Variants in NAT1 observed in about 807,000 individuals in gnomAD.
The protein encoded by NAT1 is arylamine N-acetyltransferase 1.
For synonymous variants in NAT1, 144 were observed against 122.6 expected (o/e 1.17, Z -1.16); for missense variants, 400 against 339.2 (o/e 1.18, Z -1.41).
intron 2 of NAT1, among the ~76,000 whole-genome samples, chr8:18,181,760 A>T (rs924287955): frequency 6.6e-6 from 1 of 152,080 alleles, no homozygotes; most frequent in African/African-American, 2.4e-5. Context: ...TTCCATATCC[A>T]GTTTGTTGAG....
intron 2 of NAT1, among the ~76,000 whole-genome samples, chr8:18,220,866 G>A (rs1488769265): frequency 6.6e-6 from 1 of 152,120 alleles, no homozygotes; most frequent in African/African-American, 2.4e-5. Context: ...TTATCCATGA[G>A]CCAAGCACTG....
At chr8:18,197,530 C>T (rs933204100) in intron 2 of NAT1, among the ~76,000 whole-genome samples, 1 of 152,160 alleles carries the variant, frequency 6.6e-6, no homozygotes, top group African/African-American at 2.4e-5. Flanking sequence ...ACAATGCACA[C>T]GACAGCCCGT....
intron 2 of NAT1, chr8:18,170,784 G>T (rs951564370): frequency 2.6e-5 from 4 of 152,088 alleles, no homozygotes; most frequent in African/African-American, 9.7e-5. Context: ...TCTCTTTTCT[G>T]GGCCTGAATT....
In NAT1 at chr8:18,196,118, AT is replaced by A. The variant is rs796356411; in HGVS notation, n.93-13652del. 5.4e-4 allele frequency among the ~76,000 whole-genome samples: 79 copies of A among 146,822 alleles called. No individual in the cohort carries two copies. The East Asian group carries it at 0.011, about 20-fold the overall frequency. On this transcript the variant is annotated intron_variant and non_coding_transcript_variant, in intron 2 of 4. Transcript: ENST00000517441. ...AAACATTACACTTTATACAACTTTTATTTTTTTTTTTAATAGAGACAAGGTC... is the reference window on the plus strand; with the variant it reads ...AAACATTACACTTTATACAACTTTTATTTTTTTTTTAATAGAGACAAGGTC...
In NAT1 at chr8:18,216,153, T is replaced by C. The variant is rs538205199; in HGVS notation, c.-85-3258T>C. ...ATAACATACCTGGTGGCTCAGATGC[T>C]ACTCTTTTAGCTGTGGTTTCAGCCA... On this transcript the variant is annotated intron_variant, in intron 1 of 2. Transcript: ENST00000307719. Among the ~76,000 whole-genome samples the C allele has an allele frequency of 3.3e-5, 5 of 152,312 alleles. No homozygotes were observed. In the East Asian group the frequency reaches 9.6e-4, roughly 29 times the overall value.
At chr8:18,176,274 A>C (rs1168444696) in intron 2 of NAT1, among the ~76,000 whole-genome samples, 2 of 152,056 alleles carry the variant, frequency 1.3e-5, no homozygotes. Flanking sequence ...TGTCCAAGAA[A>C]TCTTGCCCAC....
intron 2 of NAT1, among the ~76,000 whole-genome samples, chr8:18,196,486 C>A (rs988860658): frequency 1.3e-5 from 2 of 152,132 alleles, no homozygotes; most frequent in Non-Finnish European, 2.9e-5. Context: ...GACAGACTAA[C>A]ACTTCAGTAC....
At chr8:18,184,390 A>G (rs920962667) in intron 2 of NAT1, among the ~76,000 whole-genome samples, 17 of 152,110 alleles carry the variant, frequency 1.1e-4, no homozygotes, top group Admixed American at 3.3e-4. Flanking sequence ...CCTTCTGCCC[A>G]CAAAGCCCTA....
chr8:18,216,751 C>A, intron 1 of NAT1: 1 of 575,260 alleles, frequency 1.7e-6, no homozygotes, highest in Non-Finnish European at 3.0e-6. Flanking sequence ...AGCAAAATTT[C>A]GTAAGAGGCT....
At chr8:18,213,590 A>C (rs1169342100) in intron 1 of NAT1, among the ~76,000 whole-genome samples, 1 of 152,152 alleles carries the variant, frequency 6.6e-6, no homozygotes, top group East Asian at 1.9e-4. Flanking sequence ...TCCTGCAAAC[A>C]TTTTATAAAA....
At chr8:18,182,320 C>CT (rs766658045) in intron 2 of NAT1, among the ~76,000 whole-genome samples, 3 of 152,076 alleles carry the variant, frequency 2.0e-5, no homozygotes, top group African/African-American at 2.4e-5. Flanking sequence ...ATGTATCAGT[C>CT]TTTTTTTATA....
intron 1 of NAT1, among the ~76,000 whole-genome samples, chr8:18,210,908 G>A (rs1804032895): frequency 6.6e-6 from 1 of 152,162 alleles, no homozygotes; most frequent in Admixed American, 6.5e-5. Flanking sequence ...CTGAGTAGCT[G>A]TGATTACAGG....
upstream of NAT1, among the ~76,000 whole-genome samples, chr8:18,208,388 C>T (rs894660687): frequency 1.3e-5 from 2 of 152,174 alleles, no homozygotes; most frequent in African/African-American, 4.8e-5. Context: ...AGAGAAAACT[C>T]AAAACACGTC....
At chr8:18,196,195 C>T (rs544157068) in intron 2 of NAT1, among the ~76,000 whole-genome samples, 2 of 152,138 alleles carry the variant, frequency 1.3e-5, no homozygotes, top group South Asian at 4.1e-4. Context: ...AGTGATCCTC[C>T]TGCCTCGGAC....
chr8:18,184,947 A>T (rs1034596819), intron 2 of NAT1, among the ~76,000 whole-genome samples: 1 of 152,164 alleles, frequency 6.6e-6, no homozygotes, highest in African/African-American at 2.4e-5. Flanking sequence ...GCTTATCTCA[A>T]ATTCCTGGAA....
At chr8:18,196,082 C>T (rs1803219343) in intron 2 of NAT1, among the ~76,000 whole-genome samples, 1 of 151,974 alleles carries the variant, frequency 6.6e-6, no homozygotes, top group East Asian at 1.9e-4. Flanking sequence ...AATAAATATA[C>T]AGCAATTTCA....
At chr8:18,178,046 G>A (rs1334901800) in intron 2 of NAT1, among the ~76,000 whole-genome samples, 3 of 152,028 alleles carry the variant, frequency 2.0e-5, no homozygotes, top group Non-Finnish European at 4.4e-5. Context: ...TTAATCTAAC[G>A]TAGCTAAAAG....
chr8:18,180,254 C>A (rs760894156), intron 2 of NAT1, among the ~76,000 whole-genome samples: 1 of 152,012 alleles, frequency 6.6e-6, no homozygotes, highest in Non-Finnish European at 1.5e-5. Flanking sequence ...AAAATTAGTG[C>A]TAGAGTTGGA....
At chr8:18,206,261 A>T (rs1479464274), upstream of NAT1, among the ~76,000 whole-genome samples, 1 of 152,138 alleles carries the variant, frequency 6.6e-6, no homozygotes, top group Non-Finnish European at 1.5e-5. Context: ...AGACCCATGT[A>T]GGGTTCCCAG....
Sources: gnomAD v4.1 joint callset for allele counts (sites outside exome capture counted in the v4.1 genomes callset) on GRCh38, gnomAD v4.1.1 for gene constraint, MANE v1.5 for transcripts, NCBI Gene and HGNC (gene_info 2026-07-23, HGNC 2026-07-21) for gene names.